AMZ2: variants seen among roughly 807,000 people sequenced by gnomAD.
The protein encoded by AMZ2 is archaemetzincin-2.
In AMZ2, 26 loss-of-function variants were observed where a neutral mutation model predicts 36.7. The observed-to-expected ratio is 0.71, with a 90% CI of 0.52 to 0.98. AMZ2 has a LOEUF of 0.98. Among genes scored for constraint, AMZ2 ranks in the 50% least tolerant of loss-of-function variants. AMZ2 has a pLI of 0.00. For synonymous variants in AMZ2, 144 were observed against 149.1 expected, an observed-to-expected ratio of 0.97 and a Z score of 0.25; for missense variants, 394 against 430.5, an observed-to-expected ratio of 0.92 and a Z score of 0.75.
chr17:68,221,222 C>CCA (rs1555728457), intron 1 of AMZ2, among the ~76,000 whole-genome samples: 1,538 of 85,196 alleles, frequency 0.018, 89 homozygotes, highest in Non-Finnish European at 0.022. Context: ...CCCCCCCGCC[C>CCA]CCCCGGTAGC....
At chr17:68,227,764 G>T (rs555561458) in intron 1 of AMZ2, among the ~76,000 whole-genome samples, 1 of 152,190 alleles carries the variant, frequency 6.6e-6, no homozygotes, top group Non-Finnish European at 1.5e-5. Context: ...TGCTTTGGGA[G>T]GCTGAGGTGG....
intron 1 of AMZ2, among the ~76,000 whole-genome samples, chr17:68,228,734 C>T (rs1555730493): frequency 6.6e-6 from 1 of 152,266 alleles, no homozygotes; most frequent in Non-Finnish European, 1.5e-5. Context: ...CAAGATGAAC[C>T]AGGCATAGGC....
upstream of AMZ2, among the ~76,000 whole-genome samples, chr17:68,246,079 G>T (rs1251671281): frequency 6.6e-6 from 1 of 151,844 alleles, no homozygotes; most frequent in African/African-American, 2.4e-5. Context: ...GCCGAAGTAG[G>T]TGGATCACCT....
At chr17:68,252,120 G>A (rs1274616715) in intron 4 of AMZ2, among the ~76,000 whole-genome samples, 1 of 152,084 alleles carries the variant, frequency 6.6e-6, no homozygotes, top group Non-Finnish European at 1.5e-5. Context: ...ACTTGAAAGG[G>A]AAAAGGCCCC....
intron 1 of AMZ2, among the ~76,000 whole-genome samples, chr17:68,224,725 G>C (rs1244384417): frequency 6.6e-6 from 1 of 152,012 alleles, no homozygotes; most frequent in Non-Finnish European, 1.5e-5. Flanking sequence ...AATTTTCTTA[G>C]AGTTGGGGTC....
At chr17:68,245,096 T>C (rs1206563224), upstream of AMZ2, among the ~76,000 whole-genome samples, 2 of 152,094 alleles carry the variant, frequency 1.3e-5, no homozygotes, top group Non-Finnish European at 2.9e-5. Flanking sequence ...TCAGAACTTG[T>C]AGTGCTCTTT....
intron 1 of AMZ2, among the ~76,000 whole-genome samples, chr17:68,213,665 C>CTGGCAAT (rs2073123171): frequency 6.6e-6 from 1 of 152,244 alleles, no homozygotes; most frequent in African/African-American, 2.4e-5. Flanking sequence ...CGTTTTCAAT[C>CTGGCAAT]TGGCAATTGT....
chr17:68,248,785 T>A, intron 1 of AMZ2, 80 bp downstream of exon 1: 1 of 990,022 alleles, frequency 1.0e-6, no homozygotes, highest in Non-Finnish European at 1.2e-6. Context: ...TGTGTAGGAG[T>A]GAGGATGAGC....
intron 1 of AMZ2, among the ~76,000 whole-genome samples, chr17:68,240,196 G>A (rs1396831346): frequency 5.9e-5 from 9 of 152,070 alleles, no homozygotes; most frequent in African/African-American, 2.2e-4. Context: ...ACTCCCTTGG[G>A]TCTCTTTCAT....
At chr17:68,217,710 T>G (rs1448681634) in intron 1 of AMZ2, among the ~76,000 whole-genome samples, 13 of 152,218 alleles carry the variant, frequency 8.5e-5, no homozygotes, top group African/African-American at 3.1e-4. Context: ...ATTGTAATGT[T>G]AGCAATTTAT....
At chr17:68,227,049 G>T (rs1342353946) in intron 1 of AMZ2, among the ~76,000 whole-genome samples, 1 of 151,296 alleles carries the variant, frequency 6.6e-6, no homozygotes, top group Admixed American at 6.6e-5. Flanking sequence ...ACCGAGAGAG[G>T]GAGGCCCTAA....
chr17:68,215,558 C>CA lies in AMZ2; in HGVS notation c.-67+9330dup, dbSNP rs1330636138. 2.0e-4 allele frequency among the ~76,000 whole-genome samples: 24 copies of CA among 119,004 alleles called. 1 individual carries two copies. Among genetic ancestry groups the CA allele is most frequent in the Admixed American group, 7.3e-4 (9 of 12,334 alleles). The allele number at this position is 119,004 out of a possible 152,430, so 78.1% of individuals were successfully genotyped here. A position where few individuals can be genotyped will look rare whatever the true frequency, so the allele number is the denominator to read the frequency against. On this transcript the variant is annotated intron_variant, in intron 1 of 7. Transcript: ENST00000674770. The stretch of plus-strand genomic sequence containing the variant: ...GATGGAGTGAGACTCTGTCTGTCTC[C>CA]AAAAAAAAAAGTTTACTGCTGTGTT...
intron 1 of AMZ2, among the ~76,000 whole-genome samples, chr17:68,209,628 A>ATTT (rs1322446681): frequency 1.0e-5 from 1 of 98,518 alleles, no homozygotes; most frequent in African/African-American, 5.0e-5. Context: ...ATATATATAT[A>ATTT]TATATTTTTT....
At chr17:68,230,282 C>T (rs2073626371) in intron 1 of AMZ2, among the ~76,000 whole-genome samples, 1 of 152,180 alleles carries the variant, frequency 6.6e-6, no homozygotes, top group Admixed American at 6.5e-5. Flanking sequence ...CCATGTTGGC[C>T]AGGCTGGTCT....
chr17:68,234,778 C>CA (rs1311130022), intron 1 of AMZ2, among the ~76,000 whole-genome samples: 82 of 128,850 alleles, frequency 6.4e-4, no homozygotes, highest in Non-Finnish European at 1.1e-3. Context: ...GACCCTGTCT[C>CA]AAAAAAAAGA....
At chr17:68,222,686 T>A (rs2073398768) in intron 1 of AMZ2, among the ~76,000 whole-genome samples, 1 of 152,162 alleles carries the variant, frequency 6.6e-6, no homozygotes. Context: ...GTGCTCAATC[T>A]AGATCCCTCA....
In AMZ2 at chr17:68,209,354, C is replaced by T. The variant is rs574566845; in HGVS notation, c.-67+3116C>T. Among the ~76,000 whole-genome samples, 22 of 151,826 alleles carry T rather than the reference C, an allele frequency of 1.4e-4. No homozygotes were observed. In the South Asian group the frequency reaches 4.2e-3, roughly 29 times the overall value. On this transcript the variant is annotated intron_variant, in intron 1 of 7. Coordinates refer to the AMZ2 transcript ENST00000674770. ...GATTACAGGCGCCCATCAGCATGCC[C>T]GGCTAATTTTTGTGTTTTTAGTAGA...
At chr17:68,227,598 G>A (rs569315235) in intron 1 of AMZ2, among the ~76,000 whole-genome samples, 150 of 152,264 alleles carry the variant, frequency 9.9e-4, no homozygotes, top group African/African-American at 3.3e-3. Context: ...TTGGCTCGTG[G>A]CTGCATCGCT....
At chr17:68,206,345 C>A (rs1555724384) in intron 1 of AMZ2, 3 of 1,120,744 alleles carry the variant, frequency 2.7e-6, no homozygotes, top group South Asian at 9.2e-5. Context: ...CCCAACCCCG[C>A]CTCCCCCCCA....
Sources: allele counts gnomAD v4.1 joint callset (sites outside exome capture counted in the v4.1 genomes callset), GRCh38; gene constraint gnomAD v4.1.1; transcripts MANE v1.5; gene names NCBI Gene and HGNC (gene_info 2026-07-23, HGNC 2026-07-21).